FCHO1: variants seen among roughly 807,000 people sequenced by gnomAD.
FCHO1 encodes the protein FCH and mu domain containing endocytic adaptor 1.
A neutral mutation model predicts 114.4 loss-of-function variants in FCHO1; 45 were observed. That is an observed-to-expected ratio of 0.39 (90% CI 0.31 to 0.50). The LOEUF (loss-of-function observed/expected upper bound fraction) is 0.50, where lower values mean the gene tolerates loss of function less well. Among genes scored for constraint, FCHO1 ranks in the 20% least tolerant of loss-of-function variants. The pLI, the probability that FCHO1 is intolerant of heterozygous loss-of-function variation, is 0.77. For synonymous variants in FCHO1, 480 were observed against 488.9 expected, an observed-to-expected ratio of 0.98 and a Z score of 0.24; for missense variants, 1,042 against 1,209.6, an observed-to-expected ratio of 0.86 and a Z score of 2.06.
At chr19:17,785,556 G>A (rs557020468) in intron 26 of FCHO1, among the ~76,000 whole-genome samples, 2 of 152,190 alleles carry the variant, frequency 1.3e-5, no homozygotes, top group East Asian at 1.9e-4. Flanking sequence ...TAGTCAGGCC[G>A]GGTGCGGTGG....
upstream of FCHO1, among the ~76,000 whole-genome samples, chr19:17,748,169 G>GA (rs2081018109): frequency 6.6e-6 from 1 of 152,188 alleles, no homozygotes; most frequent in African/African-American, 2.4e-5. Context: ...TTCCAGCCTG[G>GA]AACCCTGGGC....
At chr19:17,762,559 C>A in intron 4 of FCHO1, 1 of 570,854 alleles carries the variant, frequency 1.8e-6, no homozygotes, top group South Asian at 2.2e-5. Flanking sequence ...AAGAAAATCC[C>A]AGGCTTCTCT....
chr19:17,765,059 C>G (rs1032073916), intron 6 of FCHO1, among the ~76,000 whole-genome samples: 1 of 128,780 alleles, frequency 7.8e-6, no homozygotes, highest in African/African-American at 3.0e-5. Context: ...AGCGAAAACT[C>G]TGTTTTGAAA....
chr19:17,761,891 C>G (rs2146549120), intron 4 of FCHO1, among the ~76,000 whole-genome samples: 1 of 150,928 alleles, frequency 6.6e-6, no homozygotes, highest in East Asian at 1.9e-4. Context: ...AAACTCCTGA[C>G]CTCATGGTCC....
chr19:17,779,398 C>T (rs185942574), intron 20 of FCHO1, among the ~76,000 whole-genome samples: 2 of 151,910 alleles, frequency 1.3e-5, no homozygotes, highest in African/African-American at 4.8e-5. Flanking sequence ...CAGGCTCCCT[C>T]TGGCAGCTTC....
intron 4 of FCHO1, 54 bp downstream of exon 4, chr19:17,755,245 T>C (rs2083056714): frequency 6.7e-7 from 1 of 1,501,042 alleles, no homozygotes; most frequent in African/African-American, 1.4e-5. Flanking sequence ...TGGGGACTTT[T>C]ATGGAGATGG....
Position 17,784,004 on chromosome 19 carries a change from G to T in FCHO1, c.2094-99G>T. On this transcript the variant is annotated intron_variant, in intron 24 of 28. Coordinates refer to ENST00000596536, the MANE Select transcript of FCHO1 (RefSeq NM_015122.3). This position sits in a 1 kb window ranked among gnomAD's most constrained non-coding sequence, Gnocchi z 5.3. ...GTAGGGCTTTGCTGGGCCCAGGGTG[G>T]GCCAGGAAATTGCATCTTTAGGAAG... 6.9e-7 allele frequency: 1 copy of T among 1,452,014 alleles called. No individual in the cohort carries two copies. The highest frequency in any genetic ancestry group is 1.3e-5 in the South Asian group (1 of 75,838). 89.9% of individuals were successfully genotyped at this position (1,452,014 alleles called of 1,614,324 possible).
intron 4 of FCHO1, among the ~76,000 whole-genome samples, chr19:17,762,175 G>T (rs999370880): frequency 2.0e-5 from 3 of 151,812 alleles, no homozygotes; most frequent in Non-Finnish European, 4.4e-5. Context: ...TAGTAGAGAC[G>T]GAGTTTTGCC....
chr19:17,787,130 A>C (rs2093970648), intron 27 of FCHO1, among the ~76,000 whole-genome samples: 1 of 146,118 alleles, frequency 6.8e-6, no homozygotes, highest in Admixed American at 7.0e-5. Flanking sequence ...AGGCTGAGGC[A>C]GGAGAATCGC....
intron 7 of FCHO1, among the ~76,000 whole-genome samples, chr19:17,769,461 C>G (rs1341220953): frequency 6.6e-6 from 1 of 151,318 alleles, no homozygotes; most frequent in African/African-American, 2.4e-5. Flanking sequence ...CGCCTGTAGT[C>G]TCAGCTACTC....
chr19:17,748,778 T>C (rs1231724409), upstream of FCHO1, among the ~76,000 whole-genome samples: 2 of 152,132 alleles, frequency 1.3e-5, no homozygotes, highest in Non-Finnish European at 2.9e-5. Flanking sequence ...AACCTCGGTT[T>C]CCTCTTTTGA....
At position 17,787,712 on chromosome 19, in the gene FCHO1, C is replaced by T. The variant is rs766938789; in HGVS notation, c.2513C>T (p.Pro838Leu). ...GGCCGCCTCTCTGCCAGCTGGGAGC[C>T]GCTCTCAGGGCCCAGCACACCCAGC... is the stretch of plus-strand genomic sequence containing the variant. ...GSGRLSASWE[P>L]LSGPSTPSPV... Residue 838 changes from proline to leucine, a missense_variant, in exon 28 of 29, where the codon CCG becomes CTG. Physicochemically the swap from Pro to Leu is moderately conservative, Grantham distance 98. Coordinates refer to ENST00000596536, the MANE Select transcript of FCHO1 (RefSeq NM_015122.3). 28 of 1,570,732 alleles carry T rather than the reference C, an allele frequency of 1.8e-5. No individual in the cohort carries two copies. Among genetic ancestry groups the T allele is most frequent in the Admixed American group, 5.8e-5 (3 of 51,766 alleles).
chr19:17,749,461 A>T (rs1381826725), upstream of FCHO1, among the ~76,000 whole-genome samples: 1 of 152,084 alleles, frequency 6.6e-6, no homozygotes, highest in Non-Finnish European at 1.5e-5. Flanking sequence ...GACCAGGAGG[A>T]GGGAGGGGAA....
At chr19:17,772,592 A>G (rs758976400) in intron 10 of FCHO1, 37 bp downstream of exon 10, 48 of 1,613,232 alleles carry the variant, frequency 3.0e-5, no homozygotes, top group Non-Finnish European at 4.0e-5. Context: ...GGCTGGGGTC[A>G]CTGCTGGGCA....
chr19:17,769,886 G>A (rs1599665587), intron 7 of FCHO1, among the ~76,000 whole-genome samples: 2 of 151,972 alleles, frequency 1.3e-5, no homozygotes, highest in East Asian at 1.9e-4. Context: ...CGTACAGGCC[G>A]GGCGTAGTGG....
At chr19:17,755,289 C>T in intron 4 of FCHO1, 98 bp downstream of exon 4, 1 of 1,106,066 alleles carries the variant, frequency 9.0e-7, no homozygotes, top group Non-Finnish European at 1.3e-6. Context: ...CAGCCTTGGA[C>T]AGGTAGAGGA....
intron 20 of FCHO1, 46 bp downstream of exon 20, chr19:17,778,930 G>C: frequency 6.8e-7 from 1 of 1,478,224 alleles, no homozygotes; most frequent in African/African-American, 1.4e-5. Context: ...AACCCTGGGC[G>C]GGGGATTGAG....
rs1348976971 is a variant in FCHO1, at chr19:17,783,140, G to A, written c.2061G>A (p.Glu687=). The change falls in exon 24 of 29, where the codon GAG becomes GAA. Residue 687 remains glutamate (E), a synonymous_variant. Coordinates refer to ENST00000596536, the MANE Select transcript of FCHO1 (RefSeq NM_015122.3). ...SFRLVHTTAI[E]HFQPNADLLF... Reference sequence around the variant, plus strand: ...GGCTTGTACACACAACCGCTATTGAGCACTTCCAGCCCAACGCCGATCTGC... The same window carrying A: ...GGCTTGTACACACAACCGCTATTGAACACTTCCAGCCCAACGCCGATCTGC... 6.2e-7 allele frequency: 1 copy of A among 1,614,074 alleles called. No homozygotes were observed. Among genetic ancestry groups the A allele is most frequent in the African/African-American group, 1.3e-5 (1 of 74,938 alleles).
chr19:17,784,785 G>A lies in FCHO1; in HGVS notation c.2287G>A (p.Ala763Thr), dbSNP rs2093726425. The change falls in exon 26 of 29, where the codon GCC becomes ACC. Residue 763 changes from alanine (A) to threonine (T), a missense_variant. Transcript: ENST00000596536. This position sits in a 1 kb window ranked among gnomAD's most constrained non-coding sequence, Gnocchi z 5.3. The part of the protein sequence containing the change: ...LQLSAHWQCG[A>T]TLTQVSVEYG... ...GCTCAGTGCCCACTGGCAGTGTGGA[G>A]CCACCCTCACCCAGGTCTCAGTGGA... is the stretch of plus-strand genomic sequence containing the variant. 5.6e-6 allele frequency: 9 copies of A among 1,614,108 alleles called. No individual in the cohort carries two copies. In the East Asian group the frequency reaches 6.7e-5, roughly 12 times the overall value.
Sources: allele counts gnomAD v4.1 joint callset (sites outside exome capture counted in the v4.1 genomes callset), GRCh38; gene constraint gnomAD v4.1.1; non-coding constraint Gnocchi (gnomAD v3.1); transcripts MANE v1.5; gene names NCBI Gene and HGNC (gene_info 2026-07-23, HGNC 2026-07-21).